TCERG1L: variants seen among roughly 807,000 people sequenced by gnomAD.
TCERG1L encodes transcription elongation regulator 1 like.
Under a neutral mutation model 56.3 loss-of-function variants are expected in TCERG1L, and 37 were observed. The observed-to-expected ratio is 0.66, with a 90% CI of 0.51 to 0.87. The LOEUF is 0.87. Among genes scored for constraint, TCERG1L ranks in the 40% least tolerant of loss-of-function variants. The pLI, the probability that TCERG1L is intolerant of heterozygous loss-of-function variation, is 0.00. For synonymous variants in TCERG1L, 324 were observed against 326.3 expected (o/e 0.99, Z 0.08); for missense variants, 799 against 774.2 (o/e 1.03, Z -0.38).
chr10:131,279,802 G>A (rs1453300773), intron 3 of TCERG1L, among the ~76,000 whole-genome samples: 1 of 152,110 alleles, frequency 6.6e-6, no homozygotes, highest in African/African-American at 2.4e-5. Flanking sequence ...ACTCACGGAT[G>A]CTGAGACACC....
rs550098352 is a variant in TCERG1L at position 131,235,121 on chromosome 10, G to A, written c.856+25138C>T. On this transcript the variant is annotated intron_variant, in intron 4 of 11. Transcript: ENST00000368642. ...CACAGGCAGGGTCCTGCAGGTGCAG[G>A]AGGGTCACTCAGATGGCGCCCAAGG... is the stretch of plus-strand genomic sequence containing the variant. Among the ~76,000 whole-genome samples, 8 of 152,326 alleles carry A rather than the reference G, an allele frequency of 5.3e-5. No homozygotes were observed. The East Asian group carries it at 1.5e-3, about 29-fold the overall frequency.
intron 3 of TCERG1L, among the ~76,000 whole-genome samples, chr10:131,283,516 C>T (rs1395673580): frequency 1.3e-5 from 2 of 152,026 alleles, no homozygotes; most frequent in East Asian, 1.9e-4. Context: ...AGGAAGTAAA[C>T]CACCATACAG....
chr10:131,250,755 A>T (rs905498040), intron 4 of TCERG1L, among the ~76,000 whole-genome samples: 2 of 152,080 alleles, frequency 1.3e-5, no homozygotes, highest in African/African-American at 4.8e-5. Flanking sequence ...AGGGAGTGAG[A>T]AGTTCTGCCT....
chr10:131,262,223 C>T (rs1846243407), intron 3 of TCERG1L, among the ~76,000 whole-genome samples: 1 of 152,194 alleles, frequency 6.6e-6, no homozygotes, highest in African/African-American at 2.4e-5. Flanking sequence ...CTTCATCCTG[C>T]CTGCTTGAAT....
At chr10:131,244,344 C>T (rs1846005917) in intron 4 of TCERG1L, among the ~76,000 whole-genome samples, 1 of 152,142 alleles carries the variant, frequency 6.6e-6, no homozygotes, top group Non-Finnish European at 1.5e-5. Flanking sequence ...CAGGCACGTG[C>T]TTTCATCCGG....
intron 4 of TCERG1L, among the ~76,000 whole-genome samples, chr10:131,231,727 A>T (rs542870574): frequency 1.3e-5 from 2 of 152,280 alleles, no homozygotes; most frequent in Admixed American, 6.5e-5. Flanking sequence ...CGTGGGGGGA[A>T]GTCAGTGCTA....
In TCERG1L at chr10:131,196,382, C is replaced by T. The variant is rs147423839; in HGVS notation, c.857-29497G>A. 3.3e-4 allele frequency among the ~76,000 whole-genome samples: 51 copies of T among 152,264 alleles called. No homozygotes were observed. The East Asian group carries it at 7.2e-3, about 21-fold the overall frequency. ...GTGCATTTGCAGGGAAGGTGGTGGG[C>T]GTGTTGGTTCCTTCCAAGAGAAAGA... On this transcript the variant is annotated intron_variant, in intron 4 of 11. Transcript: ENST00000368642.
intron 4 of TCERG1L, among the ~76,000 whole-genome samples, chr10:131,172,874 G>A (rs547547429): frequency 5.3e-5 from 8 of 150,720 alleles, no homozygotes; most frequent in African/African-American, 2.0e-4. Context: ...TTGTTGTAGA[G>A]AGAATAATCA....
Position 131,267,776 on chromosome 10 carries a change from C to T in TCERG1L, c.671-7332G>A, listed in dbSNP as rs181132818. Among the ~76,000 whole-genome samples the T allele has an allele frequency of 1.8e-3, 271 of 152,348 alleles. 1 individual carries two copies. The highest frequency in any genetic ancestry group is 0.013 in the South Asian group (63 of 4,828). ...GGGACATGGGGCACAGGGAACCCCA[C>T]TGCTGCTCCCACCACCAGTCCTGCT... On this transcript the variant is annotated intron_variant, in intron 3 of 11. Transcript: ENST00000368642. The surrounding 1 kb of genome is among the most constrained non-coding windows in gnomAD (Gnocchi z 4.9).
At chr10:131,137,461 T>C (rs1358100322) in intron 7 of TCERG1L, among the ~76,000 whole-genome samples, 1 of 152,224 alleles carries the variant, frequency 6.6e-6, no homozygotes, top group Non-Finnish European at 1.5e-5. Flanking sequence ...TGACTGCCTT[T>C]CTGCACCTCG....
chr10:131,183,966 A>T (rs2133455034), intron 4 of TCERG1L, among the ~76,000 whole-genome samples: 1 of 152,286 alleles, frequency 6.6e-6, no homozygotes, highest in East Asian at 1.9e-4. Flanking sequence ...TCACTTCCCC[A>T]TCTCAGTGAC....
chr10:131,206,804 G>T (rs1188800131), intron 4 of TCERG1L, among the ~76,000 whole-genome samples: 8 of 152,126 alleles, frequency 5.3e-5, no homozygotes, highest in African/African-American at 1.7e-4. Flanking sequence ...CCTCCTTGAA[G>T]AGGACAAGAT....
At chr10:131,102,043 T>G (rs2032015) in intron 10 of TCERG1L, among the ~76,000 whole-genome samples, 1 of 151,946 alleles carries the variant, frequency 6.6e-6, no homozygotes, top group Non-Finnish European at 1.5e-5. Flanking sequence ...AACAAAAGGG[T>G]GAAATATGAC....
rs954065572 is a variant in TCERG1L, at chr10:131,093,078, C to T, written c.*84G>A. The T allele has an allele frequency of 2.8e-5, 41 of 1,489,006 alleles. No individual in the cohort carries two copies. Among genetic ancestry groups the T allele is most frequent in the South Asian group, 1.6e-4 (12 of 76,984 alleles). 92.2% of individuals were successfully genotyped at this position (1,489,006 alleles called of 1,614,324 possible). A position where few individuals can be genotyped will look rare whatever the true frequency, so the allele number is the denominator to read the frequency against. On this transcript the variant is annotated 3_prime_UTR_variant, in exon 12 of 12. Coordinates refer to ENST00000368642, the MANE Select transcript of TCERG1L (RefSeq NM_174937.4). The stretch of plus-strand genomic sequence containing the variant: ...GGCCGTGCAGGTCTCGGCCGCCCCA[C>T]GCCCGTGTCCGTCTCCACCGTGACC...
intron 4 of TCERG1L, among the ~76,000 whole-genome samples, chr10:131,246,317 G>A (rs961664204): frequency 5.9e-5 from 9 of 152,162 alleles, no homozygotes; most frequent in African/African-American, 1.9e-4. Context: ...AAGGCTGGGG[G>A]CCAAGAGGCT....
intron 4 of TCERG1L, among the ~76,000 whole-genome samples, chr10:131,172,888 ATT>A (rs3065371): frequency 9.2e-4 from 125 of 135,430 alleles, no homozygotes; most frequent in African/African-American, 2.1e-3. Flanking sequence ...ATAATCAATG[ATT>A]TTTTTTTTTT....
chr10:131,148,518 G>A (rs1294723661), intron 6 of TCERG1L, among the ~76,000 whole-genome samples: 2 of 148,300 alleles, frequency 1.3e-5, no homozygotes, highest in Admixed American at 6.7e-5. Flanking sequence ...GGACACAAAT[G>A]CACACATATA....
At chr10:131,201,837 G>A (rs954267608) in intron 4 of TCERG1L, among the ~76,000 whole-genome samples, 2 of 152,146 alleles carry the variant, frequency 1.3e-5, no homozygotes, top group Non-Finnish European at 2.9e-5. Flanking sequence ...TGCTAAACAT[G>A]GCTGCTCTTT....
intron 9 of TCERG1L, among the ~76,000 whole-genome samples, chr10:131,106,519 T>C (rs1473295618): frequency 6.6e-6 from 1 of 151,982 alleles, no homozygotes; most frequent in Non-Finnish European, 1.5e-5. Context: ...TTGCAAGAGG[T>C]TGAACATGCC....
Sources: allele counts gnomAD v4.1 joint callset (sites outside exome capture counted in the v4.1 genomes callset), GRCh38; gene constraint gnomAD v4.1.1; non-coding constraint Gnocchi (gnomAD v3.1); transcripts MANE v1.5; gene names NCBI Gene and HGNC (gene_info 2026-07-23, HGNC 2026-07-21).